ZNF480: variants seen among roughly 807,000 people sequenced by gnomAD.
The protein encoded by ZNF480 is zinc finger protein 480.
Under a neutral mutation model 14.4 loss-of-function variants are expected in ZNF480, and 15 were observed. The ratio of observed to expected loss-of-function variants is 1.04; its 90% CI spans 0.70 to 1.60. ZNF480 has a LOEUF of 1.60. ZNF480 is among the 40% of genes most tolerant of loss of function. The pLI, the probability that ZNF480 is intolerant of heterozygous loss-of-function variation, is 0.00. For missense variants in ZNF480, 593 were observed against 629.7 expected, an observed-to-expected ratio of 0.94 and a Z score of 0.62; for synonymous variants, 218 against 215.5, an observed-to-expected ratio of 1.01 and a Z score of -0.10.
chr19:52,310,147 C>T (rs1983199364), intron 2 of ZNF480, among the ~76,000 whole-genome samples: 1 of 151,974 alleles, frequency 6.6e-6, no homozygotes, highest in Admixed American at 6.6e-5. Flanking sequence ...CTTCTGTCTT[C>T]TGGGTTCAAG....
rs571039910 is a variant in ZNF480 at position 52,322,319 on chromosome 19, C to T, written c.1069C>T (p.Leu357Phe). 1 of 1,612,446 alleles carries T rather than the reference C, an allele frequency of 6.2e-7. No individual in the cohort carries two copies. The highest frequency in any genetic ancestry group is 1.7e-5 in the Admixed American group (1 of 59,890). ...ECGKAFYRIALLVRHQKIHTG... is the reference protein window; with the variant it reads ...ECGKAFYRIAFLVRHQKIHTG... ...TGGCAAGGCCTTCTATAGGATTGCG[C>T]TCCTTGTACGACATCAGAAAATTCA... Residue 357 changes from leucine to phenylalanine, a missense_variant, in exon 5 of 5, where the codon CTC (leucine) becomes TTC (phenylalanine). Transcript: ENST00000595962.
rs1367497615 is a variant in ZNF480, at chr19:52,322,072, T to G, written c.822T>G (p.Phe274Leu). Reference protein sequence around the residue: ...CGKVFSYNSNFARHQRIHTRE... With the variant: ...CGKVFSYNSNLARHQRIHTRE... ...AGGTTTTTAGTTACAATTCAAACTT[T>G]GCACGACATCAAAGAATTCATACCA... The change falls in exon 5 of 5, where the codon TTT becomes TTG. Residue 274 changes from phenylalanine to leucine, a missense_variant. Transcript: ENST00000595962. 8 of 1,613,780 alleles carry G rather than the reference T, an allele frequency of 5.0e-6. No homozygotes were observed. Among genetic ancestry groups the G allele is most frequent in the Non-Finnish European group, 6.8e-6 (8 of 1,179,928 alleles).
chr19:52,314,759 G>T (rs1424027066), intron 3 of ZNF480, among the ~76,000 whole-genome samples: 2 of 151,814 alleles, frequency 1.3e-5, no homozygotes, highest in Non-Finnish European at 2.9e-5. Flanking sequence ...AGCCGAGAAT[G>T]CACCATTGCA....
Position 52,322,539 on chromosome 19 carries a change from A to G in ZNF480, c.1289A>G (p.Asn430Ser). The change falls in exon 5 of 5, where the codon AAT becomes AGT. Residue 430 changes from asparagine to serine, a missense_variant. Transcript: ENST00000595962. Reference sequence around the variant, plus strand: ...ACTGGAGAGAAGCCTTACAAATGTAATGAATGTGGTAAAGCATTTAGTGAG... The same window carrying G: ...ACTGGAGAGAAGCCTTACAAATGTAGTGAATGTGGTAAAGCATTTAGTGAG... ...IHTGEKPYKC[N>S]ECGKAFSEYS... 5 of 1,614,124 alleles carry G rather than the reference A, an allele frequency of 3.1e-6. No homozygotes were observed. The highest frequency in any genetic ancestry group is 4.2e-6 in the Non-Finnish European group (5 of 1,180,004).
chr19:52,309,268 T>C (rs1983152781), intron 2 of ZNF480, among the ~76,000 whole-genome samples: 1 of 152,232 alleles, frequency 6.6e-6, no homozygotes, highest in Non-Finnish European at 1.5e-5. Context: ...CTGGAGACTC[T>C]GGAGGTCCCT....
At chr19:52,302,860 A>C (rs897810895) in intron 2 of ZNF480, among the ~76,000 whole-genome samples, 9 of 152,210 alleles carry the variant, frequency 5.9e-5, no homozygotes, top group Non-Finnish European at 1.3e-4. Flanking sequence ...AAATTGTGAA[A>C]GTGTCTGGCA....
At chr19:52,318,446 G>A (rs538131270) in intron 4 of ZNF480, among the ~76,000 whole-genome samples, 18 of 152,236 alleles carry the variant, frequency 1.2e-4, no homozygotes, top group Non-Finnish European at 4.4e-5. Context: ...TCACAGATAT[G>A]ATATGCAAAT....
intron 4 of ZNF480, among the ~76,000 whole-genome samples, chr19:52,319,309 T>C (rs1261016623): frequency 2.0e-5 from 3 of 152,216 alleles, no homozygotes; most frequent in Non-Finnish European, 4.4e-5. Flanking sequence ...AGCTCTTCTT[T>C]ATCGAGGAAA....
intron 4 of ZNF480, among the ~76,000 whole-genome samples, chr19:52,320,780 A>C (rs1405732658): frequency 1.3e-5 from 2 of 152,088 alleles, no homozygotes; most frequent in Non-Finnish European, 2.9e-5. Context: ...AACAAGAGCA[A>C]AACTCCATCT....
In ZNF480 at chr19:52,305,402, C is replaced by T. The variant is rs191572762; in HGVS notation, c.72+4918C>T. Among the ~76,000 whole-genome samples the T allele has an allele frequency of 4.9e-3, 753 of 152,204 alleles. 7 individuals carry two copies. Among genetic ancestry groups the T allele is most frequent in the Non-Finnish European group, 8.0e-3 (545 of 68,004 alleles). On this transcript the variant is annotated intron_variant, in intron 2 of 4. Coordinates refer to ENST00000595962, the MANE Select transcript of ZNF480 (RefSeq NM_144684.4). The stretch of plus-strand genomic sequence containing the variant: ...AGTAAGCTGCTTTGCCTTGTTTATT[C>T]GAGCTTCCAAATCCTCCTGTTCATT...
chr19:52,297,533 C>T (rs184675346), intron 1 of ZNF480, among the ~76,000 whole-genome samples: 28 of 152,254 alleles, frequency 1.8e-4, no homozygotes, highest in African/African-American at 5.3e-4. Context: ...CCCCGCTAGG[C>T]GGATTCCGGT....
At chr19:52,319,823 T>TA (rs1555799209) in intron 4 of ZNF480, among the ~76,000 whole-genome samples, 1 of 109,414 alleles carries the variant, frequency 9.1e-6, no homozygotes, top group Non-Finnish European at 2.1e-5. Flanking sequence ...TTTTTTTTTT[T>TA]TTTTTTTTTT....
At chr19:52,303,164 A>G (rs892011878) in intron 2 of ZNF480, among the ~76,000 whole-genome samples, 4 of 152,232 alleles carry the variant, frequency 2.6e-5, no homozygotes, top group Non-Finnish European at 5.9e-5. Flanking sequence ...TTTGAGCTGA[A>G]GTATAGGGCG....
chr19:52,317,034 T>C (rs1983591498), intron 4 of ZNF480, among the ~76,000 whole-genome samples: 1 of 152,174 alleles, frequency 6.6e-6, no homozygotes, highest in South Asian at 2.1e-4. Context: ...TTGTTGTTTT[T>C]TGAGACAGTG....
At chr19:52,315,208 C>T (rs551086205) in intron 3 of ZNF480, among the ~76,000 whole-genome samples, 79 of 152,260 alleles carry the variant, frequency 5.2e-4, no homozygotes, top group Non-Finnish European at 9.1e-4. Flanking sequence ...CTCAGCCTCC[C>T]GAAGTGCTGG....
chr19:52,298,114 G>A (rs903654638), intron 1 of ZNF480, among the ~76,000 whole-genome samples: 1 of 151,748 alleles, frequency 6.6e-6, no homozygotes, highest in Non-Finnish European at 1.5e-5. Flanking sequence ...AAAGTGGGAA[G>A]TTCCTCAGTT....
At chr19:52,301,951 A>G (rs557307173) in intron 2 of ZNF480, 1 of 162,848 alleles carries the variant, frequency 6.1e-6, no homozygotes, top group African/African-American at 2.4e-5. Context: ...TCACATGATG[A>G]TTAGGGAGAT....
intron 1 of ZNF480, among the ~76,000 whole-genome samples, chr19:52,299,546 C>T (rs1982583861): frequency 6.6e-6 from 1 of 152,154 alleles, no homozygotes; most frequent in African/African-American, 2.4e-5. Flanking sequence ...TTGTTAGCCT[C>T]ATTCACAGAA....
chr19:52,315,853 G>A lies in ZNF480; in HGVS notation c.219G>A (p.Leu73=), dbSNP rs1391482029. ...LVSLGISLPD[L]NINSMLEQRR... ...AAACAGGAATCTCTCTTCCTGACCT[G>A]AATATTAACTCCATGTTGGAGCAAA... Residue 73 remains leucine (L), a synonymous_variant, in exon 4 of 5, where the codon CTG becomes CTA. Coordinates refer to ENST00000595962, the MANE Select transcript of ZNF480 (RefSeq NM_144684.4). 6.2e-7 allele frequency: 1 copy of A among 1,611,572 alleles called. No individual in the cohort carries two copies. The highest frequency in any genetic ancestry group is 1.7e-5 in the Admixed American group (1 of 59,754).
Sources: allele counts gnomAD v4.1 joint callset (sites outside exome capture counted in the v4.1 genomes callset), GRCh38; gene constraint gnomAD v4.1.1; transcripts MANE v1.5; gene names NCBI Gene and HGNC (gene_info 2026-07-23, HGNC 2026-07-21).